The following RNF130 variants were observed in gnomAD, a reference collection of about 807,000 sequenced individuals.
The protein encoded by RNF130 is E3 ubiquitin-protein ligase RNF130.
RNF130 carries 21 observed loss-of-function variants against 44.6 expected under a neutral mutation model. The observed-to-expected ratio is 0.47, with a 90% confidence interval of 0.33 to 0.68. RNF130 has a LOEUF of 0.68. Ranked by LOEUF, RNF130 falls within the 30% of genes least tolerant of loss-of-function variation. The pLI, the probability that RNF130 is intolerant of heterozygous loss-of-function variation, is 0.02. For missense variants in RNF130, 479 were observed against 560.6 expected (o/e 0.85, Z 1.47); for synonymous variants, 214 against 210.4 (o/e 1.02, Z -0.15).
rs184826382 is a variant in RNF130 at position 179,974,939 on chromosome 5, C to A, written c.848+3264G>T. On this transcript the variant is annotated intron_variant, in intron 5 of 8. Transcript: ENST00000521389. ...AATTAAACCCATTGCTTCCTCTGGG[C>A]AGTCAATGGTGAAGCGGTCCTCTGA... 3.1e-4 allele frequency among the ~76,000 whole-genome samples: 47 copies of A among 152,354 alleles called. No individual in the cohort carries two copies. The East Asian group carries it at 5.2e-3, about 17-fold the overall frequency.
Position 179,920,396 on chromosome 5 carries a change from G to C in RNF130, c.1181C>G (p.Ser394Cys). The C allele has an allele frequency of 4.3e-6, 3 of 702,452 alleles. No individual in the cohort carries two copies. In the South Asian group the frequency reaches 4.4e-5, roughly 10 times the overall value. The allele number at this position is 702,452 out of a possible 1,614,324, so 43.5% of individuals were successfully genotyped here. The change falls in exon 8 of 8, where the codon TCC becomes TGC. Residue 394 changes from serine (S) to cysteine (C), a missense_variant. Physicochemically the swap from Ser to Cys is moderately radical, Grantham distance 112 (BLOSUM62 -1). Coordinates refer to the RNF130 transcript ENST00000522208. Reference sequence around the variant, plus strand: ...ACTTTCATACACCAGACTCCGAGGGGACAAGGAGTTTCGATGAAAGAAGTG... The same window carrying C: ...ACTTTCATACACCAGACTCCGAGGGCACAAGGAGTTTCGATGAAAGAAGTG...
At chr5:179,968,856 G>A (rs925809059) in intron 6 of RNF130, among the ~76,000 whole-genome samples, 5 of 152,022 alleles carry the variant, frequency 3.3e-5, no homozygotes, top group African/African-American at 7.2e-5. Flanking sequence ...GCTGCTGAAC[G>A]GTCTACGATG....
At chr5:180,013,744 T>G (rs1000026670) in intron 2 of RNF130, among the ~76,000 whole-genome samples, 1 of 152,118 alleles carries the variant, frequency 6.6e-6, no homozygotes, top group African/African-American at 2.4e-5. Flanking sequence ...AGAAATGGAG[T>G]AAAGTGCTGT....
intron 8 of RNF130, among the ~76,000 whole-genome samples, chr5:179,958,652 G>A (rs1202724918): frequency 6.6e-6 from 1 of 152,114 alleles, no homozygotes; most frequent in Non-Finnish European, 1.5e-5. Context: ...AGTGTCCCGT[G>A]TTTTGGACGG....
intron 6 of RNF130, among the ~76,000 whole-genome samples, chr5:179,967,332 A>C (rs764030048): frequency 3.6e-4 from 55 of 152,354 alleles, no homozygotes; most frequent in Middle Eastern, 6.8e-3. Context: ...ATCCAGTTTA[A>C]AAGAGTAAAC....
intron 3 of RNF130, among the ~76,000 whole-genome samples, chr5:179,983,603 T>C (rs1385265204): frequency 6.6e-6 from 1 of 152,234 alleles, no homozygotes; most frequent in Non-Finnish European, 1.5e-5. Flanking sequence ...TATTCTAACA[T>C]CCTTGTGGTT....
intron 3 of RNF130, among the ~76,000 whole-genome samples, chr5:180,003,762 T>C (rs919364902): frequency 1.1e-4 from 16 of 152,228 alleles, no homozygotes; most frequent in African/African-American, 3.9e-4. Context: ...AGGTACAAAA[T>C]TCTTCCATGA....
chr5:179,958,562 T>C (rs1186117888), intron 8 of RNF130, among the ~76,000 whole-genome samples: 3 of 152,238 alleles, frequency 2.0e-5, no homozygotes, highest in Non-Finnish European at 4.4e-5. Flanking sequence ...CTACCTGATC[T>C]GAGGTCGGCC....
intron 8 of RNF130, among the ~76,000 whole-genome samples, chr5:179,957,793 A>G (rs1334228260): frequency 6.6e-6 from 1 of 152,226 alleles, no homozygotes; most frequent in Non-Finnish European, 1.5e-5. Context: ...CCTCAAACAG[A>G]GGTTAATTTT....
chr5:179,947,535 T>C (rs559110569), intron 7 of RNF130, among the ~76,000 whole-genome samples: 2 of 152,226 alleles, frequency 1.3e-5, no homozygotes, highest in Non-Finnish European at 2.9e-5. Flanking sequence ...CCAGCTTATG[T>C]GTTGAAATCC....
At chr5:180,033,210 G>A (rs547075522) in intron 2 of RNF130, among the ~76,000 whole-genome samples, 2 of 152,130 alleles carry the variant, frequency 1.3e-5, no homozygotes, top group African/African-American at 4.8e-5. Flanking sequence ...TTAAACTCCT[G>A]GGCTCAAGTG....
At position 180,071,508 on chromosome 5, in the gene RNF130, G is replaced by T; in HGVS notation, c.195C>A (p.Ser65=). 1 of 1,324,756 alleles carries T rather than the reference G, an allele frequency of 7.5e-7. No homozygotes were observed. The allele number at this position is 1,324,756 out of a possible 1,614,324, so 82.1% of individuals were successfully genotyped here. ...CCTGGCCGCGGACCTCGGCCTTGGG[G>T]GAGTCAAGCCCGTAGCGCCCGCGGT... ...RIDRGRYGLD[S]PKAEVRGQVL... Residue 65 remains serine, a synonymous_variant, in exon 1 of 9, where the codon TCC becomes TCA. Transcript: ENST00000521389.
At chr5:179,926,599 G>A (rs1233309719) in intron 7 of RNF130, among the ~76,000 whole-genome samples, 2 of 152,166 alleles carry the variant, frequency 1.3e-5, no homozygotes, top group Non-Finnish European at 2.9e-5. Flanking sequence ...AGTGAGCCGA[G>A]ATAGCGCCAT....
At position 179,920,243 on chromosome 5, in the gene RNF130, A is replaced by C. The variant is rs971283262; in HGVS notation, c.*74T>G. On this transcript the variant is annotated 3_prime_UTR_variant, in exon 8 of 8. Coordinates refer to the RNF130 transcript ENST00000522208. ...TTCCAAAACGGATGCTGACAGGAGA[A>C]TACAAAATAAGAAAGGTGATCAGAA... The C allele has an allele frequency of 2.0e-5, 13 of 662,300 alleles. No homozygotes were observed. The East Asian group carries it at 3.6e-4, about 18-fold the overall frequency. The allele number at this position is 662,300 out of a possible 1,614,324, so 41.0% of individuals were successfully genotyped here. A position where few individuals can be genotyped will look rare whatever the true frequency, so the allele number is the denominator to read the frequency against.
rs553833894 is a variant in RNF130 at position 179,932,448 on chromosome 5, C to A, written c.1151-12022G>T. ...GATTTTTCTGTATTTTTAGTAGAGA[C>A]GGGGTTTCACCATATTGGTCAGGCT... On this transcript the variant is annotated intron_variant, in intron 7 of 7. Coordinates refer to the RNF130 transcript ENST00000522208. 4.6e-5 allele frequency among the ~76,000 whole-genome samples: 7 copies of A among 151,866 alleles called. No homozygotes were observed. In the East Asian group the frequency reaches 7.8e-4, roughly 17 times the overall value.
intron 6 of RNF130, 49 bp from the exon 7 acceptor site, chr5:179,967,059 T>A: frequency 6.7e-7 from 1 of 1,502,622 alleles, no homozygotes; most frequent in Non-Finnish European, 9.2e-7. Context: ...AACACAACCT[T>A]TCATAAGATT....
chr5:179,929,832 T>C (rs1235553202), intron 7 of RNF130, among the ~76,000 whole-genome samples: 1 of 152,140 alleles, frequency 6.6e-6, no homozygotes, highest in African/African-American at 2.4e-5. Context: ...GAAATCACAG[T>C]AAGTCTATAA....
chr5:180,049,510 A>C (rs904125308), intron 1 of RNF130, among the ~76,000 whole-genome samples: 11 of 152,236 alleles, frequency 7.2e-5, no homozygotes, highest in African/African-American at 2.7e-4. Flanking sequence ...AATACTGATA[A>C]GGTGATTAGG....
intron 7 of RNF130, chr5:179,963,786 C>G (rs1762381652): frequency 1.8e-6 from 1 of 545,886 alleles, no homozygotes. Flanking sequence ...CATGGCTCAA[C>G]CATTTCTTCC....
Sources: gnomAD v4.1 joint callset for allele counts (sites outside exome capture counted in the v4.1 genomes callset) on GRCh38, gnomAD v4.1.1 for gene constraint, MANE v1.5 for transcripts, NCBI Gene and HGNC (gene_info 2026-07-23, HGNC 2026-07-21) for gene names.